SGIP1: variants seen among roughly 807,000 people sequenced by gnomAD.
The protein encoded by SGIP1 is SH3-containing GRB2-like protein 3-interacting protein 1.
In SGIP1, 38 loss-of-function variants were observed where a neutral mutation model predicts 107.5. The observed-to-expected ratio is 0.35, with a 90% CI of 0.27 to 0.46. The LOEUF is 0.46. SGIP1 is among the 20% of genes least tolerant of loss of function. SGIP1 has a pLI of 1.00. For synonymous variants in SGIP1, 365 were observed against 366.1 expected, an observed-to-expected ratio of 1.00 and a Z score of 0.03; for missense variants, 929 against 1,019.5, an observed-to-expected ratio of 0.91 and a Z score of 1.21.
chr1:66,732,997 T>G (rs2094085371), intron 20 of SGIP1, among the ~76,000 whole-genome samples: 1 of 152,208 alleles, frequency 6.6e-6, no homozygotes, highest in Non-Finnish European at 1.5e-5. Context: ...CTTGCCTGAT[T>G]CTTTTTATCA....
intron 4 of SGIP1, among the ~76,000 whole-genome samples, chr1:66,636,520 C>T (rs2075809436): frequency 6.6e-6 from 1 of 152,204 alleles, no homozygotes; most frequent in East Asian, 1.9e-4. Context: ...ATGGTAGCCA[C>T]ATGTGACTAT....
intron 5 of SGIP1, among the ~76,000 whole-genome samples, chr1:66,641,866 C>T (rs2076854829): frequency 1.3e-5 from 2 of 152,000 alleles, no homozygotes; most frequent in Admixed American, 1.3e-4. Context: ...CCTCTTTAAC[C>T]TTCCCTCTGC....
At position 66,720,998 on chromosome 1, in the gene SGIP1, C is replaced by A. The variant is rs192639368; in HGVS notation, c.1742+1593C>A. On this transcript the variant is annotated intron_variant, in intron 19 of 24. Transcript: ENST00000371037. The stretch of plus-strand genomic sequence containing the variant: ...TAACTCCACCTTTAAGTGTACTAGC[C>A]AGCCACTAGGATCTTTCAACTTCAT... 1.4e-3 allele frequency among the ~76,000 whole-genome samples: 220 copies of A among 152,200 alleles called. 2 individuals carry two copies. The highest frequency in any genetic ancestry group is 5.2e-3 in the African/African-American group (217 of 41,528).
At chr1:66,631,028 GAAGGAAGGAAGA>G (rs2074448269) in intron 2 of SGIP1, among the ~76,000 whole-genome samples, 1 of 116,430 alleles carries the variant, frequency 8.6e-6, no homozygotes, top group African/African-American at 3.5e-5. Flanking sequence ...GAAAGGAAAG[GAAGGAAGGAAGA>G]AAGGAAGAAA....
intron 12 of SGIP1, among the ~76,000 whole-genome samples, chr1:66,674,275 T>C (rs2084634488): frequency 6.6e-6 from 1 of 152,252 alleles, no homozygotes; most frequent in African/African-American, 2.4e-5. Flanking sequence ...ACATTTAACA[T>C]TTTTAAATTA....
At chr1:66,689,301 C>T (rs755862855) in intron 16 of SGIP1, 26 bp downstream of exon 16, 5 of 1,604,746 alleles carry the variant, frequency 3.1e-6, no homozygotes, top group East Asian at 4.5e-5. Flanking sequence ...CCCTGGCTTG[C>T]TCAGAAACAG....
At chr1:66,617,455 A>C (rs905742020) in intron 1 of SGIP1, among the ~76,000 whole-genome samples, 1 of 152,232 alleles carries the variant, frequency 6.6e-6, no homozygotes, top group Non-Finnish European at 1.5e-5. Flanking sequence ...TACACAAAGC[A>C]CCTTAATCTT....
chr1:66,611,886 T>C (rs947366004), intron 1 of SGIP1, among the ~76,000 whole-genome samples: 1 of 152,182 alleles, frequency 6.6e-6, no homozygotes, highest in African/African-American at 2.4e-5. Context: ...TATACATGCC[T>C]CATGTGAACA....
chr1:66,747,291 T>C lies in SGIP1; in HGVS notation c.*4196T>C, dbSNP rs1180155218. 6.6e-6 allele frequency: 1 copy of C among 152,112 alleles called. No homozygotes were observed. The highest frequency in any genetic ancestry group is 2.4e-5 in the African/African-American group (1 of 41,452). The allele number at this position is 152,112 out of a possible 1,614,324, so 9.4% of individuals were successfully genotyped here. ...AAGGTCCTTCTTAGTTCTGACATTA[T>C]ATCAGATTTTAAGCATTAAATTCTA... is the stretch of plus-strand genomic sequence containing the variant. On this transcript the variant is annotated 3_prime_UTR_variant, in exon 25 of 25. Coordinates refer to ENST00000371037, the MANE Select transcript of SGIP1 (RefSeq NM_032291.4).
intron 10 of SGIP1, 81 bp from the exon 11 acceptor site, chr1:66,671,863 A>G (rs1274596031): frequency 1.5e-6 from 2 of 1,342,274 alleles, no homozygotes; most frequent in Admixed American, 3.7e-5. Flanking sequence ...TAAATCTCTA[A>G]GTGTTTCCAA....
chr1:66,723,929 G>C (rs2093649077), intron 19 of SGIP1, among the ~76,000 whole-genome samples: 1 of 152,158 alleles, frequency 6.6e-6, no homozygotes, highest in South Asian at 2.1e-4. Context: ...AGAAACCAAG[G>C]AAGGCTAAAT....
intron 7 of SGIP1, among the ~76,000 whole-genome samples, chr1:66,644,168 A>G (rs2077252834): frequency 6.6e-6 from 1 of 152,146 alleles, no homozygotes; most frequent in Admixed American, 6.5e-5. Flanking sequence ...GCTATGCTCT[A>G]AAACCAAAAA....
intron 10 of SGIP1, among the ~76,000 whole-genome samples, chr1:66,671,379 T>C (rs950373259): frequency 2.6e-5 from 4 of 152,166 alleles, no homozygotes; most frequent in African/African-American, 7.2e-5. Flanking sequence ...TAGAAGCAAC[T>C]TACCCATTCT....
At chr1:66,630,487 A>C (rs2074034826) in intron 2 of SGIP1, among the ~76,000 whole-genome samples, 1 of 152,022 alleles carries the variant, frequency 6.6e-6, no homozygotes, top group Admixed American at 6.6e-5. Flanking sequence ...ATTAAGTCCT[A>C]GTAAGTTGAA....
At chr1:66,663,721 A>T (rs747053603) in intron 8 of SGIP1, among the ~76,000 whole-genome samples, 7 of 152,196 alleles carry the variant, frequency 4.6e-5, no homozygotes, top group Non-Finnish European at 1.0e-4. Flanking sequence ...GGCATTTTGC[A>T]AATGGAGTTT....
At chr1:66,591,732 TC>T (rs2063667691) in intron 1 of SGIP1, among the ~76,000 whole-genome samples, 1 of 152,176 alleles carries the variant, frequency 6.6e-6, no homozygotes, top group African/African-American at 2.4e-5. Context: ...GTCTCTGAGT[TC>T]CCTCAGTATT....
At chr1:66,740,541 T>C (rs1223874854) in intron 22 of SGIP1, 117 bp from the exon 23 acceptor site, 8 of 677,876 alleles carry the variant, frequency 1.2e-5, no homozygotes, top group Admixed American at 2.8e-5. Context: ...TTTTAAATTG[T>C]AGTGAAAGTT....
rs113981156 is a variant in SGIP1 at position 66,585,570 on chromosome 1, T to TTGTGTGTGTGTGTG, written c.11-40267_11-40254dup. On this transcript the variant is annotated intron_variant, in intron 1 of 24. Coordinates refer to ENST00000371037, the MANE Select transcript of SGIP1 (RefSeq NM_032291.4). ...GAAAAATTAAAAAGAGCTTTGGAGT[T>TTGTGTGTGTGTGTG]TGTGTGTGTGTGTGTGTGTGTGTTT... is the stretch of plus-strand genomic sequence containing the variant. 9.2e-3 allele frequency among the ~76,000 whole-genome samples: 1,383 copies of TTGTGTGTGTGTGTG among 150,024 alleles called. 20 individuals carry two copies. Among genetic ancestry groups the TTGTGTGTGTGTGTG allele is most frequent in the African/African-American group, 0.025 (1,012 of 40,820 alleles).
intron 7 of SGIP1, among the ~76,000 whole-genome samples, chr1:66,651,949 A>G (rs1451622786): frequency 2.0e-5 from 3 of 152,290 alleles, no homozygotes; most frequent in Admixed American, 6.5e-5. Context: ...TAATAATGCT[A>G]TGTTTTATAA....
Sources: gnomAD v4.1 joint callset for allele counts (sites outside exome capture counted in the v4.1 genomes callset) on GRCh38, gnomAD v4.1.1 for gene constraint, MANE v1.5 for transcripts, NCBI Gene and HGNC (gene_info 2026-07-23, HGNC 2026-07-21) for gene names.